The following KIF5C variants were observed in gnomAD, a reference collection of about 807,000 sequenced individuals.
KIF5C encodes kinesin heavy chain isoform 5C.
KIF5C carries 18 observed loss-of-function variants against 125.2 expected under a neutral mutation model. That is an observed-to-expected ratio of 0.14 (90% CI 0.10 to 0.21). The LOEUF (loss-of-function observed/expected upper bound fraction) is 0.21, where lower values mean the gene tolerates loss of function less well. Ranked by LOEUF, KIF5C falls within the 10% of genes least tolerant of loss-of-function variation. The probability of loss-of-function intolerance (pLI) is 1.00; values close to 1 mark genes in which losing one functional copy is unlikely to be tolerated. For synonymous variants in KIF5C, 405 were observed against 434.0 expected (o/e 0.93, Z 0.83); for missense variants, 780 against 1,183.8 (o/e 0.66, Z 5.01).
chr2:148,975,116 G>A (rs1037960714), intron 12 of KIF5C, among the ~76,000 whole-genome samples: 3 of 152,156 alleles, frequency 2.0e-5, no homozygotes, highest in African/African-American at 7.2e-5. Flanking sequence ...ATTCTGTAAG[G>A]CCCGCTGTTG....
intron 10 of KIF5C, among the ~76,000 whole-genome samples, chr2:148,953,466 A>G (rs933945025): frequency 7.9e-5 from 12 of 152,236 alleles, no homozygotes; most frequent in Non-Finnish European, 1.3e-4. Context: ...GTATTGTTAA[A>G]TATACTCATT....
intron 3 of KIF5C, among the ~76,000 whole-genome samples, chr2:148,931,011 A>G (rs1682171026): frequency 6.6e-6 from 1 of 152,200 alleles, no homozygotes; most frequent in African/African-American, 2.4e-5. Context: ...CACCTAGTCC[A>G]GTACCTGTAG....
intron 10 of KIF5C, among the ~76,000 whole-genome samples, chr2:148,960,112 G>A (rs1300064638): frequency 2.6e-5 from 4 of 152,208 alleles, no homozygotes; most frequent in Non-Finnish European, 5.9e-5. Flanking sequence ...CTACAGAAGT[G>A]GGGATTTCCT....
intron 10 of KIF5C, among the ~76,000 whole-genome samples, chr2:148,954,292 C>G (rs1682740514): frequency 1.3e-5 from 2 of 152,150 alleles, no homozygotes; most frequent in Admixed American, 6.6e-5. Flanking sequence ...GCTGAGGAGG[C>G]AGCACTTGAA....
chr2:148,968,667 G>A (rs1394867915), intron 11 of KIF5C, among the ~76,000 whole-genome samples: 1 of 152,054 alleles, frequency 6.6e-6, no homozygotes, highest in Non-Finnish European at 1.5e-5. Flanking sequence ...TTAGAAAATC[G>A]CTCTAGAAGG....
At position 148,970,662 on chromosome 2, in the gene KIF5C, C is replaced by T. The variant is rs117312986; in HGVS notation, c.1118-2674C>T. ...CTGGGACAACCCTTCTACTTGGTGACGCTATCATTCCTTAATGGGAGAAGA... is the reference window on the plus strand; with the variant it reads ...CTGGGACAACCCTTCTACTTGGTGATGCTATCATTCCTTAATGGGAGAAGA... On this transcript the variant is annotated intron_variant, in intron 11 of 25. Transcript: ENST00000435030. 1.0e-3 allele frequency among the ~76,000 whole-genome samples: 155 copies of T among 152,286 alleles called. 3 individuals are homozygous for T. The East Asian group carries it at 0.027, about 27-fold the overall frequency.
chr2:148,979,073 G>A lies in KIF5C; in HGVS notation c.1362+83G>A, dbSNP rs59491455. On this transcript the variant is annotated intron_variant, in intron 13 of 25. Coordinates refer to ENST00000435030, the MANE Select transcript of KIF5C (RefSeq NM_004522.3). ...GATGTTTGTTCCAGGAATTTAATTG[G>A]CATAGAAGCTTTTCATAATTACAGA... is the stretch of plus-strand genomic sequence containing the variant. 3,550 of 1,372,886 alleles carry A rather than the reference G, an allele frequency of 2.6e-3. 71 individuals are homozygous for A. In the African/African-American group the frequency reaches 0.045, roughly 17 times the overall value. The allele number at this position is 1,372,886 out of a possible 1,614,324, so 85.0% of individuals were successfully genotyped here.
At chr2:148,929,227 C>T (rs1682114512) in intron 2 of KIF5C, 54 bp from the exon 3 acceptor site, 2 of 1,102,718 alleles carry the variant, frequency 1.8e-6, no homozygotes, top group Admixed American at 2.1e-5. Flanking sequence ...GCAACCTACA[C>T]CAGCATATGA....
At chr2:148,994,562 G>C (rs1207569145) in intron 17 of KIF5C, 24 bp downstream of exon 17, 2 of 1,551,138 alleles carry the variant, frequency 1.3e-6, no homozygotes, top group African/African-American at 2.7e-5. Flanking sequence ...TAACGTGCAG[G>C]TGTCAAACAC....
chr2:148,982,237 C>T (rs757940907), intron 14 of KIF5C, among the ~76,000 whole-genome samples: 1 of 152,206 alleles, frequency 6.6e-6, no homozygotes, highest in East Asian at 1.9e-4. Flanking sequence ...CTGCACATTC[C>T]CTTATTTCCA....
Position 148,875,707 on chromosome 2 carries a change from C to T in KIF5C, c.90C>T (p.Ile30=), listed in dbSNP as rs1681162047. Residue 30 remains isoleucine (I), a synonymous_variant, in exon 1 of 26, where the codon ATC becomes ATT. Transcript: ENST00000435030. ...EAEILRGDKF[I]PKFKGDETVV... ...AGATCCTCCGCGGGGACAAATTCAT[C>T]CCCAAATTTAAAGGCGATGAGACCG... The T allele has an allele frequency of 1.2e-6, 2 of 1,602,090 alleles. No homozygotes were observed. The highest frequency in any genetic ancestry group is 1.7e-6 in the Non-Finnish European group (2 of 1,174,880).
At chr2:148,979,332 G>T (rs1250622017) in intron 13 of KIF5C, among the ~76,000 whole-genome samples, 1 of 152,096 alleles carries the variant, frequency 6.6e-6, no homozygotes, top group Non-Finnish European at 1.5e-5. Flanking sequence ...GTCCAGGCTG[G>T]AATGCAGTGG....
chr2:148,984,191 C>T (rs1295474639), intron 15 of KIF5C, among the ~76,000 whole-genome samples: 1 of 152,170 alleles, frequency 6.6e-6, no homozygotes, highest in Non-Finnish European at 1.5e-5. Context: ...AGGATTCTAA[C>T]AGTGGCTTAA....
At chr2:148,985,607 A>G (rs1681359407) in intron 15 of KIF5C, among the ~76,000 whole-genome samples, 1 of 152,202 alleles carries the variant, frequency 6.6e-6, no homozygotes, top group Admixed American at 6.5e-5. Context: ...ATGGTATTAC[A>G]TTGCTTACCT....
At chr2:148,890,316 T>C (rs931048593) in intron 1 of KIF5C, among the ~76,000 whole-genome samples, 3 of 152,098 alleles carry the variant, frequency 2.0e-5, no homozygotes, top group East Asian at 1.9e-4. Flanking sequence ...CTGGGAAAGA[T>C]AGCAAGACCC....
At chr2:148,957,603 A>AAAC (rs1553466368) in intron 10 of KIF5C, among the ~76,000 whole-genome samples, 3 of 142,958 alleles carry the variant, frequency 2.1e-5, no homozygotes, top group East Asian at 4.1e-4. Flanking sequence ...AAAAAAAAAA[A>AAAC]AAAAAAAAAA....
intron 3 of KIF5C, among the ~76,000 whole-genome samples, chr2:148,931,141 T>TAA (rs1248659754): frequency 6.6e-6 from 1 of 151,862 alleles, no homozygotes; most frequent in Non-Finnish European, 1.5e-5. Context: ...AAACTATATA[T>TAA]AATGCCAAAC....
rs189521539 is a variant in KIF5C, at chr2:148,935,927, A to G, written c.292-1357A>G. Reference sequence around the variant, plus strand: ...AAAAACAAGAGCAATACATCAAACTATTTAGATTCTTAATAGATAAGGGCA... The same window carrying G: ...AAAAACAAGAGCAATACATCAAACTGTTTAGATTCTTAATAGATAAGGGCA... On this transcript the variant is annotated intron_variant, in intron 3 of 25. Transcript: ENST00000435030. Among the ~76,000 whole-genome samples the G allele has an allele frequency of 2.0e-5, 3 of 152,280 alleles. No homozygotes were observed. The East Asian group carries it at 5.8e-4, about 29-fold the overall frequency.
chr2:148,973,307 C>T, intron 11 of KIF5C, 29 bp from the exon 12 acceptor site: 1 of 1,594,570 alleles, frequency 6.3e-7, no homozygotes, highest in South Asian at 1.1e-5. Flanking sequence ...TTTCTTTAAT[C>T]CCCAACTCTG....
Sources: allele counts gnomAD v4.1 joint callset (sites outside exome capture counted in the v4.1 genomes callset), GRCh38; gene constraint gnomAD v4.1.1; transcripts MANE v1.5; gene names NCBI Gene and HGNC (gene_info 2026-07-23, HGNC 2026-07-21).